Variants in ITPR1 observed in about 807,000 individuals in gnomAD.
ITPR1 encodes the protein inositol 1,4,5-trisphosphate receptor type 1, also known as inositol 1,4,5-trisphosphate-gated calcium channel ITPR1.
Under a neutral mutation model 318.4 loss-of-function variants are expected in ITPR1, and 96 were observed. The ratio of observed to expected loss-of-function variants is 0.30; its 90% CI spans 0.26 to 0.36. The LOEUF (loss-of-function observed/expected upper bound fraction) is 0.36. Ranked by LOEUF, ITPR1 falls within the 10% of genes least tolerant of loss-of-function variation. ITPR1 has a pLI of 1.00. For missense variants in ITPR1, 2,440 were observed against 3,460.2 expected (o/e 0.71, Z 7.40); for synonymous variants, 1,312 against 1,289.9 (o/e 1.02, Z -0.37).
chr3:4,668,528 C>T (rs1004502258), intron 18 of ITPR1, among the ~76,000 whole-genome samples: 34 of 151,886 alleles, frequency 2.2e-4, no homozygotes, highest in African/African-American at 6.3e-4. Context: ...AGGGCAGTGG[C>T]GAGATCTCAG....
At chr3:4,788,247 T>C (rs1191516215) in intron 52 of ITPR1, 108 bp downstream of exon 52, 5 of 880,746 alleles carry the variant, frequency 5.7e-6, no homozygotes, top group South Asian at 3.5e-5. Context: ...GCTAGTATCA[T>C]TTATGATACT....
At chr3:4,588,486 T>C (rs2090111420) in intron 4 of ITPR1, among the ~76,000 whole-genome samples, 1 of 152,126 alleles carries the variant, frequency 6.6e-6, no homozygotes, top group Non-Finnish European at 1.5e-5. Flanking sequence ...CTTCCTCTGC[T>C]GTTCCTTCTG....
intron 4 of ITPR1, among the ~76,000 whole-genome samples, chr3:4,557,529 CATG>C (rs1349018729): frequency 6.6e-6 from 1 of 152,090 alleles, no homozygotes; most frequent in East Asian, 1.9e-4. Flanking sequence ...CCAGGTTGGC[CATG>C]ATAATTCCCT....
At chr3:4,783,590 TG>T (rs2046975237) in intron 50 of ITPR1, among the ~76,000 whole-genome samples, 1 of 152,078 alleles carries the variant, frequency 6.6e-6, no homozygotes. Context: ...CGGGGGAAAG[TG>T]GAACCATGTG....
In ITPR1 at chr3:4,694,839, C is replaced by T. The variant is rs77501022; in HGVS notation, c.4281+1098C>T. The stretch of plus-strand genomic sequence containing the variant: ...AAAGTTCAAATATCAAAGACTGTAA[C>T]GGGGTAAACCATGAAAAGTCTTATA... On this transcript the variant is annotated intron_variant, in intron 33 of 61. Coordinates refer to ENST00000649015, the MANE Select transcript of ITPR1 (RefSeq NM_001378452.1). Among the ~76,000 whole-genome samples the T allele has an allele frequency of 7.5e-3, 1,138 of 152,254 alleles. 13 individuals carry two copies. Among genetic ancestry groups the T allele is most frequent in the African/African-American group, 0.026 (1,084 of 41,518 alleles).
chr3:4,519,352 A>T lies in ITPR1; in HGVS notation c.93-1672A>T, dbSNP rs185736717. Among the ~76,000 whole-genome samples, 1,039 of 152,092 alleles carry T rather than the reference A, an allele frequency of 6.8e-3. 7 individuals are homozygous for T. Among genetic ancestry groups the T allele is most frequent in the Middle Eastern group, 0.031 (9 of 294 alleles). On this transcript the variant is annotated intron_variant, in intron 3 of 61. Transcript: ENST00000649015. ...AGCAATTCATCTGCCTCAGCCTCCC[A>T]TGTAGCTGGGACTACAGGCGCCTGC...
chr3:4,677,543 A>G (rs1335639410), intron 24 of ITPR1, among the ~76,000 whole-genome samples: 2 of 152,104 alleles, frequency 1.3e-5, no homozygotes, highest in African/African-American at 4.8e-5. Flanking sequence ...AGCAAACACA[A>G]AGACCCCATG....
intron 4 of ITPR1, among the ~76,000 whole-genome samples, chr3:4,615,054 C>A (rs913693002): frequency 4.6e-5 from 7 of 152,196 alleles, no homozygotes; most frequent in African/African-American, 1.7e-4. Context: ...GAATGGGGCC[C>A]AGGCACTATG....
chr3:4,833,775 G>C (rs374890813), intron 60 of ITPR1, among the ~76,000 whole-genome samples: 1 of 152,194 alleles, frequency 6.6e-6, no homozygotes, highest in Non-Finnish European at 1.5e-5. Context: ...ACCTTCTTTA[G>C]GGCCAAGCCT....
intron 35 of ITPR1, among the ~76,000 whole-genome samples, chr3:4,701,033 A>T (rs983728276): frequency 6.6e-6 from 1 of 152,188 alleles, no homozygotes; most frequent in African/African-American, 2.4e-5. Flanking sequence ...ACAATTCAAG[A>T]TGAAGTTTGG....
intron 43 of ITPR1, among the ~76,000 whole-genome samples, chr3:4,734,880 G>A: frequency 6.6e-6 from 1 of 152,206 alleles, no homozygotes; most frequent in Admixed American, 6.5e-5. Context: ...GAGAGTCTTT[G>A]CTGGCTGGCT....
intron 4 of ITPR1, among the ~76,000 whole-genome samples, chr3:4,617,550 A>G (rs2092433380): frequency 6.6e-6 from 1 of 152,208 alleles, no homozygotes; most frequent in Non-Finnish European, 1.5e-5. Context: ...TCCCAATACC[A>G]TTACATTGAC....
chr3:4,747,156 TTTC>T (rs2044168531), intron 44 of ITPR1, among the ~76,000 whole-genome samples: 1 of 152,172 alleles, frequency 6.6e-6, no homozygotes, highest in Non-Finnish European at 1.5e-5. Flanking sequence ...GCAGTCCTCT[TTTC>T]TTCTTCTTTG....
rs115808045 is a variant in ITPR1 at position 4,501,510 on chromosome 3, G to A, written c.-17+7004G>A. Among the ~76,000 whole-genome samples, 430 of 152,350 alleles carry A rather than the reference G, an allele frequency of 2.8e-3. 1 individual carries two copies. Among genetic ancestry groups the A allele is most frequent in the South Asian group, 8.3e-3 (40 of 4,830 alleles). ...GTGATTCACACACACGTGAAAATAC[G>A]AGAAGATATGCATTGGAGGATGCCT... On this transcript the variant is annotated intron_variant, in intron 2 of 61. Transcript: ENST00000649015.
intron 52 of ITPR1, among the ~76,000 whole-genome samples, chr3:4,792,049 C>G (rs2047588987): frequency 6.6e-6 from 1 of 152,226 alleles, no homozygotes; most frequent in Non-Finnish European, 1.5e-5. Context: ...CCTTTTCCAG[C>G]TGCTAGAGGC....
chr3:4,806,169 C>G lies in ITPR1; in HGVS notation c.7174C>G (p.Arg2392Gly), dbSNP rs576213473. 1 of 1,613,620 alleles carries G rather than the reference C, an allele frequency of 6.2e-7. No individual in the cohort carries two copies. The highest frequency in any genetic ancestry group is 8.5e-7 in the Non-Finnish European group (1 of 1,179,604). ...CTGTGGGACATTCACAAGAGGCTAC[C>G]GAGCCATGGTTCTGGATGTTGAGTT... ...GNCGTFTRGY[R>G]AMVLDVEFLY... The change falls in exon 55 of 62, where the codon CGA (arginine) becomes GGA (glycine). Residue 2392 changes from arginine (R) to glycine (G), a missense_variant. Arg to Gly is a moderately radical substitution (Grantham distance 125). Coordinates refer to ENST00000649015, the MANE Select transcript of ITPR1 (RefSeq NM_001378452.1).
chr3:4,683,943 T>G, intron 28 of ITPR1, 145 bp downstream of exon 28: 5 of 796,000 alleles, frequency 6.3e-6, no homozygotes, highest in Non-Finnish European at 1.0e-5. Flanking sequence ...CACAAGCTGT[T>G]TGCCTAGGAA....
intron 37 of ITPR1, among the ~76,000 whole-genome samples, chr3:4,707,396 C>G (rs920201531): frequency 6.6e-6 from 1 of 152,230 alleles, no homozygotes; most frequent in Non-Finnish European, 1.5e-5. Flanking sequence ...GGGACCTCAG[C>G]TGGAGTTGTC....
intron 44 of ITPR1, among the ~76,000 whole-genome samples, chr3:4,754,787 A>C (rs1485844389): frequency 6.6e-6 from 1 of 152,222 alleles, no homozygotes; most frequent in Non-Finnish European, 1.5e-5. Context: ...TTCCTACCAC[A>C]GTCCCCTTCC....
Sources: gnomAD v4.1 joint callset for allele counts (sites outside exome capture counted in the v4.1 genomes callset) on GRCh38, gnomAD v4.1.1 for gene constraint, MANE v1.5 for transcripts, NCBI Gene and HGNC (gene_info 2026-07-23, HGNC 2026-07-21) for gene names.